Variants in GALNTL6 observed in about 807,000 individuals in gnomAD.
GALNTL6 encodes the protein polypeptide N-acetylgalactosaminyltransferase like 6, also known as polypeptide N-acetylgalactosaminyltransferase-like 6.
A neutral mutation model predicts 73.7 loss-of-function variants in GALNTL6; 46 were observed. That is an observed-to-expected ratio of 0.62 (90% CI 0.49 to 0.80). GALNTL6 has a LOEUF of 0.80. GALNTL6 is among the 30% of genes least tolerant of loss of function. The pLI is 0.00. For missense variants in GALNTL6, 604 were observed against 755.0 expected (o/e 0.80, Z 2.34); for synonymous variants, 259 against 263.7 (o/e 0.98, Z 0.17).
intron 3 of GALNTL6, among the ~76,000 whole-genome samples, chr4:172,299,832 A>T (rs1478671804): frequency 2.0e-5 from 3 of 152,202 alleles, no homozygotes; most frequent in Non-Finnish European, 4.4e-5. Context: ...TGCTGAGAAG[A>T]ATGTATATTC....
At chr4:172,539,356 C>T (rs1467140271) in intron 5 of GALNTL6, among the ~76,000 whole-genome samples, 1 of 152,078 alleles carries the variant, frequency 6.6e-6, no homozygotes, top group Admixed American at 6.6e-5. Context: ...ACTATTGTTA[C>T]CAGGCAATAA....
chr4:172,713,166 A>G (rs1231347975), intron 5 of GALNTL6, among the ~76,000 whole-genome samples: 1 of 151,672 alleles, frequency 6.6e-6, no homozygotes, highest in African/African-American at 2.4e-5. Flanking sequence ...TACGTGCTGT[A>G]TCGGTCACTC....
At chr4:172,177,752 T>TACAC (rs1560955368) in intron 2 of GALNTL6, among the ~76,000 whole-genome samples, 2 of 132,736 alleles carry the variant, frequency 1.5e-5, no homozygotes, top group Admixed American at 7.2e-5. Context: ...TGTGTATATA[T>TACAC]ATGTGTGTAT....
chr4:172,018,584 A>C (rs1741285180), intron 2 of GALNTL6, among the ~76,000 whole-genome samples: 1 of 151,972 alleles, frequency 6.6e-6, no homozygotes, highest in Admixed American at 6.6e-5. Flanking sequence ...CCGAGTTTAG[A>C]TCTGGGCAGC....
chr4:172,890,917 A>G (rs1054378929), intron 8 of GALNTL6, among the ~76,000 whole-genome samples: 1 of 152,172 alleles, frequency 6.6e-6, no homozygotes, highest in Non-Finnish European at 1.5e-5. Context: ...TTGTTGTTGA[A>G]TTCAACCATT....
chr4:172,982,477 G>A (rs1751110707), intron 10 of GALNTL6, among the ~76,000 whole-genome samples: 1 of 152,216 alleles, frequency 6.6e-6, no homozygotes, highest in Non-Finnish European at 1.5e-5. Context: ...AACAGGCCCT[G>A]ACATGTTAGC....
intron 2 of GALNTL6, among the ~76,000 whole-genome samples, chr4:172,172,667 G>A (rs1579211373): frequency 1.3e-5 from 2 of 152,218 alleles, no homozygotes; most frequent in South Asian, 4.1e-4. Context: ...CCAGAGCTGT[G>A]AGAAAATAAA....
In GALNTL6 at chr4:172,911,259, A is replaced by G. The variant is rs28593723; in HGVS notation, c.1042-19902A>G. Among the ~76,000 whole-genome samples, 1,041 of 152,326 alleles carry G rather than the reference A, an allele frequency of 6.8e-3. 12 individuals carry two copies. Among genetic ancestry groups the G allele is most frequent in the African/African-American group, 0.024 (983 of 41,572 alleles). On this transcript the variant is annotated intron_variant, in intron 8 of 12. Coordinates refer to ENST00000506823, the MANE Select transcript of GALNTL6 (RefSeq NM_001034845.3). ...CATCTCTCATTAAACTATCATGACAATGCTTTGTACACATGGTTTTGTTAG... is the reference window on the plus strand; with the variant it reads ...CATCTCTCATTAAACTATCATGACAGTGCTTTGTACACATGGTTTTGTTAG...
chr4:172,992,194 T>C (rs2126458028), intron 10 of GALNTL6, among the ~76,000 whole-genome samples: 1 of 152,350 alleles, frequency 6.6e-6, no homozygotes, highest in African/African-American at 2.4e-5. Flanking sequence ...AGATAATGTC[T>C]GACTCTTTCC....
chr4:172,216,334 T>TA (rs1225844821), intron 2 of GALNTL6, among the ~76,000 whole-genome samples: 2 of 152,074 alleles, frequency 1.3e-5, no homozygotes, highest in Non-Finnish European at 2.9e-5. Flanking sequence ...GTTTTTGTTT[T>TA]TTTTTTCTTT....
chr4:172,161,866 C>A (rs1734480423), intron 2 of GALNTL6, among the ~76,000 whole-genome samples: 1 of 151,764 alleles, frequency 6.6e-6, no homozygotes, highest in South Asian at 2.1e-4. Flanking sequence ...AAGATTGAGG[C>A]AAAGATGTTC....
intron 5 of GALNTL6, among the ~76,000 whole-genome samples, chr4:172,574,690 C>T (rs1736896164): frequency 6.6e-6 from 1 of 151,726 alleles, no homozygotes. Context: ...AAAATTGCTT[C>T]AAGTACATAA....
intron 5 of GALNTL6, among the ~76,000 whole-genome samples, chr4:172,774,282 G>A (rs980085899): frequency 1.3e-5 from 2 of 152,180 alleles, no homozygotes; most frequent in Non-Finnish European, 2.9e-5. Context: ...CATGGTGGTT[G>A]TACAGTATTT....
chr4:172,936,594 T>C (rs1225035225), intron 9 of GALNTL6, among the ~76,000 whole-genome samples: 1 of 152,198 alleles, frequency 6.6e-6, no homozygotes, highest in African/African-American at 2.4e-5. Context: ...ACAAAATCTA[T>C]GTGCAAAAAT....
chr4:172,672,970 G>A (rs1395476477), intron 5 of GALNTL6, among the ~76,000 whole-genome samples: 1 of 151,852 alleles, frequency 6.6e-6, no homozygotes. Flanking sequence ...TTCAAAAAAT[G>A]AGCTTCTGGA....
At chr4:172,603,400 G>A (rs574104687) in intron 5 of GALNTL6, among the ~76,000 whole-genome samples, 4 of 152,134 alleles carry the variant, frequency 2.6e-5, no homozygotes, top group Admixed American at 1.3e-4. Flanking sequence ...CCCACAGGCA[G>A]GCCATTTTAC....
chr4:172,417,934 G>C (rs1437836024), intron 5 of GALNTL6, among the ~76,000 whole-genome samples: 1 of 152,122 alleles, frequency 6.6e-6, no homozygotes, highest in Non-Finnish European at 1.5e-5. Flanking sequence ...AATTACTCAA[G>C]TTTTTTTGAG....
chr4:172,210,601 T>A (rs115044292), intron 2 of GALNTL6, among the ~76,000 whole-genome samples: 2,417 of 152,250 alleles, frequency 0.016, 31 homozygotes, highest in Non-Finnish European at 0.027. Flanking sequence ...GCTATTTTCA[T>A]TACATCATAT....
chr4:172,966,511 C>T (rs1163872161), intron 10 of GALNTL6, among the ~76,000 whole-genome samples: 2 of 152,130 alleles, frequency 1.3e-5, no homozygotes, highest in Non-Finnish European at 2.9e-5. Context: ...TCTCCTGCCT[C>T]AGCTTCCCAA....
Sources: gnomAD v4.1 joint callset for allele counts (sites outside exome capture counted in the v4.1 genomes callset) on GRCh38, gnomAD v4.1.1 for gene constraint, MANE v1.5 for transcripts, NCBI Gene and HGNC (gene_info 2026-07-23, HGNC 2026-07-21) for gene names.